Variants in BMAL1 observed in about 807,000 individuals in gnomAD.
The protein encoded by BMAL1 is basic helix-loop-helix ARNT-like protein 1.
the BMAL1 span, among the ~76,000 whole-genome samples, chr11:13,298,423 C>T: frequency 1.3e-3 from 191 of 152,272 alleles, 1 homozygote; most frequent in African/African-American, 4.3e-3. Context: ...TGGGTCACTG[C>T]CCCCCAAATG....
the BMAL1 span, among the ~76,000 whole-genome samples, chr11:13,374,763 A>G: frequency 6.6e-6 from 1 of 152,118 alleles, no homozygotes; most frequent in Admixed American, 6.5e-5. Flanking sequence ...TTCATCTTCC[A>G]TAGTTATCCT....
At chr11:13,315,084 A>G in the BMAL1 span, among the ~76,000 whole-genome samples, 1 of 152,218 alleles carries the variant, frequency 6.6e-6, no homozygotes, top group Non-Finnish European at 1.5e-5. Flanking sequence ...GGGGCCTCAC[A>G]GTAATCTAGG....
the BMAL1 span, among the ~76,000 whole-genome samples, chr11:13,299,612 G>T: frequency 6.6e-6 from 1 of 152,110 alleles, no homozygotes; most frequent in Non-Finnish European, 1.5e-5. Flanking sequence ...GTGGCGTGAG[G>T]GAGAGGGCCC....
chr11:13,355,442 G>A, the BMAL1 span: 61 of 790,184 alleles, frequency 7.7e-5, 2 homozygotes, highest in South Asian at 5.4e-4. Context: ...TTGAGCAAGC[G>A]CTAAGGGAGC....
chr11:13,284,156 A>ATC, the BMAL1 span, among the ~76,000 whole-genome samples: 1 of 43,850 alleles, frequency 2.3e-5, no homozygotes, highest in African/African-American at 8.8e-5. Context: ...GTATATATAT[A>ATC]TATGTGTGTA....
chr11:13,347,242 A>C, the BMAL1 span, among the ~76,000 whole-genome samples: 1 of 151,982 alleles, frequency 6.6e-6, no homozygotes, highest in South Asian at 2.1e-4. Flanking sequence ...TTAGCTACGT[A>C]TGGTGGCACA....
the BMAL1 span, among the ~76,000 whole-genome samples, chr11:13,316,976 C>T: frequency 2.0e-5 from 3 of 152,150 alleles, no homozygotes. Context: ...ACAAACCCAC[C>T]AAGCTCCCTT....
At chr11:13,295,942 C>T in the BMAL1 span, among the ~76,000 whole-genome samples, 2 of 152,150 alleles carry the variant, frequency 1.3e-5, no homozygotes, top group Non-Finnish European at 2.9e-5. Flanking sequence ...CAGAGTCTGG[C>T]TTTGGCATGC....
chr11:13,292,995 G>A, the BMAL1 span, among the ~76,000 whole-genome samples: 2 of 152,310 alleles, frequency 1.3e-5, no homozygotes, highest in Middle Eastern at 6.8e-3. Context: ...TGTTTTTAAG[G>A]GTGGCAAGGG....
At chr11:13,354,724 CT>C in the BMAL1 span, 1 of 378,570 alleles carries the variant, frequency 2.6e-6, no homozygotes, top group Non-Finnish European at 4.8e-6. Flanking sequence ...CAAGTTCTGT[CT>C]TTTACCCCTT....
chr11:13,383,212 C>T, the BMAL1 span, among the ~76,000 whole-genome samples: 2 of 152,082 alleles, frequency 1.3e-5, no homozygotes, highest in Admixed American at 1.3e-4. Flanking sequence ...AAGTGAGCCT[C>T]CATAGGTCGC....
the BMAL1 span, among the ~76,000 whole-genome samples, chr11:13,305,622 G>A: frequency 6.6e-6 from 1 of 152,148 alleles, no homozygotes; most frequent in Non-Finnish European, 1.5e-5. Context: ...GTGTGGCCAG[G>A]ACTTCTAGTC....
chr11:13,337,392 TAAATG>T, the BMAL1 span, among the ~76,000 whole-genome samples: 3 of 152,210 alleles, frequency 2.0e-5, no homozygotes, highest in Admixed American at 6.5e-5. Flanking sequence ...GAATACTAAT[TAAATG>T]AAAATTTATT....
At chr11:13,347,975 C>T in the BMAL1 span, among the ~76,000 whole-genome samples, 4 of 152,070 alleles carry the variant, frequency 2.6e-5, no homozygotes, top group South Asian at 2.1e-4. Context: ...GCACAGGAGA[C>T]GCCTATAAAT....
At chr11:13,328,703 T>C in the BMAL1 span, among the ~76,000 whole-genome samples, 1 of 152,380 alleles carries the variant, frequency 6.6e-6, no homozygotes, top group African/African-American at 2.4e-5. Context: ...GATTAGTTGA[T>C]ATAAAGCTGT....
At chr11:13,360,320 A>G in the BMAL1 span, 1 of 1,593,336 alleles carries the variant, frequency 6.3e-7, no homozygotes, top group South Asian at 1.1e-5. Flanking sequence ...CAAGTATACC[A>G]ATTCTTTCTC....
the BMAL1 span, chr11:13,354,202 C>T: frequency 5.4e-6 from 4 of 742,732 alleles, no homozygotes; most frequent in African/African-American, 1.9e-5. Flanking sequence ...CCCCCCCGGC[C>T]CCCCACCACC....
the BMAL1 span, among the ~76,000 whole-genome samples, chr11:13,357,383 G>C: frequency 6.6e-6 from 1 of 152,256 alleles, no homozygotes; most frequent in Non-Finnish European, 1.5e-5. The surrounding 1 kb of genome is among the most constrained non-coding windows in gnomAD (Gnocchi z 4.8). Flanking sequence ...CTTCAGCAGA[G>C]AACGTCTTCC....
chr11:13,324,976 G>A, the BMAL1 span, among the ~76,000 whole-genome samples: 3 of 152,188 alleles, frequency 2.0e-5, no homozygotes, highest in Non-Finnish European at 1.5e-5. Flanking sequence ...TGTGAAAATC[G>A]TCCAGGAAAT....
Sources: allele counts gnomAD v4.1 joint callset (sites outside exome capture counted in the v4.1 genomes callset), GRCh38; gene constraint gnomAD v4.1.1; non-coding constraint Gnocchi (gnomAD v3.1); transcripts MANE v1.5; gene names NCBI Gene and HGNC (gene_info 2026-07-23, HGNC 2026-07-21).